The following ZNF76 variants were observed in gnomAD, a reference collection of about 807,000 sequenced individuals.
ZNF76 encodes zinc finger protein 76, also known as zinc finger protein 523.
ZNF76 carries 66 observed loss-of-function variants against 66.9 expected under a neutral mutation model. The ratio of observed to expected loss-of-function variants is 0.99; its 90% confidence interval spans 0.81 to 1.21. The LOEUF (loss-of-function observed/expected upper bound fraction) is 1.21, where lower values mean the gene tolerates loss of function less well. Among genes scored for constraint, ZNF76 ranks in the 50% most tolerant of loss-of-function variants. The pLI, the probability that ZNF76 is intolerant of heterozygous loss-of-function variation, is 0.00. For missense variants in ZNF76, 729 were observed against 760.3 expected (o/e 0.96, Z 0.48); for synonymous variants, 275 against 296.1 (o/e 0.93, Z 0.73).
intron 6 of ZNF76, 66 bp downstream of exon 6, chr6:35,290,448 C>T: frequency 1.3e-6 from 2 of 1,596,384 alleles, no homozygotes; most frequent in East Asian, 2.2e-5. Flanking sequence ...TTCTACCTTT[C>T]TGCTTTGATT....
intron 2 of ZNF76, 58 bp from the exon 3 acceptor site, chr6:35,286,070 G>A (rs1389173045): frequency 5.2e-6 from 8 of 1,525,818 alleles, no homozygotes; most frequent in Non-Finnish European, 7.3e-6. Flanking sequence ...AAACAGGCAG[G>A]CGTTTCTTAG....
intron 5 of ZNF76, among the ~76,000 whole-genome samples, chr6:35,288,949 T>TAA (rs34352057): frequency 5.2e-5 from 5 of 95,728 alleles, no homozygotes; most frequent in African/African-American, 8.1e-5. Context: ...AGATCCTATC[T>TAA]AAAAAAAAAA....
chr6:35,288,737 G>A (rs900981923), intron 5 of ZNF76, among the ~76,000 whole-genome samples: 2 of 152,132 alleles, frequency 1.3e-5, no homozygotes, highest in Non-Finnish European at 2.9e-5. Context: ...CAGGTGGATC[G>A]CTTGAGTCCA....
Position 35,274,831 on chromosome 6 carries a change from A to G in ZNF76, c.-96-6225A>G, listed in dbSNP as rs146408266. 2.7e-4 allele frequency among the ~76,000 whole-genome samples: 41 copies of G among 152,348 alleles called. 1 individual carries two copies. Among genetic ancestry groups the G allele is most frequent in the East Asian group, 7.7e-4 (4 of 5,186 alleles). ...CAAAGGTGAAGGGTTGTTTTCCTGC[A>G]TCAGGACCAGTAATGGGTTAAGTTT... On this transcript the variant is annotated intron_variant, in intron 1 of 13. Transcript: ENST00000373953.
At chr6:35,273,838 A>C in intron 1 of ZNF76, among the ~76,000 whole-genome samples, 1 of 139,684 alleles carries the variant, frequency 7.2e-6, no homozygotes, top group East Asian at 2.0e-4. Flanking sequence ...TTTCTTTTAA[A>C]TGGCGCTTCT....
intron 1 of ZNF76, among the ~76,000 whole-genome samples, chr6:35,275,977 T>C (rs1787838843): frequency 6.6e-6 from 1 of 152,202 alleles, no homozygotes; most frequent in South Asian, 2.1e-4. Flanking sequence ...TTGAGAAGTA[T>C]GGGCTCTGGG....
At chr6:35,280,569 A>C (rs999294287) in intron 1 of ZNF76, among the ~76,000 whole-genome samples, 5 of 120,156 alleles carry the variant, frequency 4.2e-5, no homozygotes, top group Non-Finnish European at 8.1e-5. Flanking sequence ...CACCCCTGGG[A>C]TAGGGGATAC....
At chr6:35,269,363 T>TG (rs1786671384) in intron 1 of ZNF76, among the ~76,000 whole-genome samples, 1 of 152,134 alleles carries the variant, frequency 6.6e-6, no homozygotes, top group Admixed American at 6.5e-5. Context: ...TTTGTGATGT[T>TG]GGACAGGTCA....
intron 1 of ZNF76, among the ~76,000 whole-genome samples, chr6:35,266,016 GA>G (rs1410815391): frequency 6.6e-6 from 1 of 152,210 alleles, no homozygotes; most frequent in Non-Finnish European, 1.5e-5. Flanking sequence ...CTAAACAAGA[GA>G]AGTTGGTGGC....
chr6:35,295,128 A>ACCCCCTTCCCCACAG lies in ZNF76; in HGVS notation c.1609-14_1609dup. ...GGTCTCACTGTCTCCTTCCTTCTGCACCCCCTTCCCCACAGCTGGAGGAAC... is the reference window on the plus strand; with the variant it reads ...GGTCTCACTGTCTCCTTCCTTCTGCACCCCCTTCCCCACAGCCCCCTTCCCCACAGCTGGAGGAAC... On this transcript the variant is annotated splice_polypyrimidine_tract_variant and intron_variant, in intron 13 of 13. Transcript: ENST00000373953. 6.2e-7 allele frequency: 1 copy of ACCCCCTTCCCCACAG among 1,601,548 alleles called. No individual in the cohort carries two copies.
rs897950455 is a variant in ZNF76 at position 35,287,416 on chromosome 6, C to G, written c.233-230C>G. On this transcript the variant is annotated intron_variant, in intron 4 of 13. Coordinates refer to ENST00000373953, the MANE Select transcript of ZNF76 (RefSeq NM_003427.5). The surrounding 1 kb of genome is among the most constrained non-coding windows in gnomAD (Gnocchi z 4.0). ...AAATGATGATGGGCCCCTGTCAGGT[C>G]CTCAAGGAGCTTGTGAGTTCCCATT... Among the ~76,000 whole-genome samples, 15 of 152,058 alleles carry G rather than the reference C, an allele frequency of 9.9e-5. No individual in the cohort carries two copies. The highest frequency in any genetic ancestry group is 2.0e-4 in the Admixed American group (3 of 15,262).
At chr6:35,294,925 T>G in intron 13 of ZNF76, 1 of 587,092 alleles carries the variant, frequency 1.7e-6, no homozygotes, top group Non-Finnish European at 3.0e-6. Context: ...AGTGGGTCTC[T>G]CTGACCCTGG....
At chr6:35,290,193 G>GC in intron 5 of ZNF76, 73 bp from the exon 6 acceptor site, 1 of 1,583,552 alleles carries the variant, frequency 6.3e-7, no homozygotes, top group Non-Finnish European at 8.6e-7. Context: ...GTCTTAAGCT[G>GC]CCAGCAGGGC....
chr6:35,283,538 G>A (rs546495554), intron 2 of ZNF76, among the ~76,000 whole-genome samples: 1 of 152,324 alleles, frequency 6.6e-6, no homozygotes, highest in African/African-American at 2.4e-5. Context: ...GCAAACTGGG[G>A]CGTATGGTCA....
Position 35,295,137 on chromosome 6 carries a change from C to T in ZNF76, c.1609-7C>T. 1 of 1,608,374 alleles carries T rather than the reference C, an allele frequency of 6.2e-7. No homozygotes were observed. The highest frequency in any genetic ancestry group is 8.5e-7 in the Non-Finnish European group (1 of 1,176,708). On this transcript the variant is annotated splice_polypyrimidine_tract_variant and splice_region_variant and intron_variant, in intron 13 of 13. Transcript: ENST00000373953. ...GTCTCCTTCCTTCTGCACCCCCTTC[C>T]CCACAGCTGGAGGAACAGCAGACCT...
chr6:35,287,140 G>A lies in ZNF76; in HGVS notation c.233-506G>A, dbSNP rs1789681963. Among the ~76,000 whole-genome samples the A allele has an allele frequency of 6.6e-6, 1 of 152,186 alleles. No individual in the cohort carries two copies. Among genetic ancestry groups the A allele is most frequent in the African/African-American group, 2.4e-5 (1 of 41,438 alleles). ...ACTGCTAGGAGCTAGAGCCCTGGGA[G>A]TGAAGGCAGAATGAGCAGGAGGAAA... On this transcript the variant is annotated intron_variant, in intron 4 of 13. Transcript: ENST00000373953. The surrounding 1 kb of genome is among the most constrained non-coding windows in gnomAD (Gnocchi z 4.0).
rs754577278 is a variant in ZNF76 at position 35,287,886 on chromosome 6, A to G, written c.432+41A>G. 16 of 1,550,698 alleles carry G rather than the reference A, an allele frequency of 1.0e-5. No homozygotes were observed. The highest frequency in any genetic ancestry group is 9.8e-5 in the East Asian group (4 of 40,984). Reference sequence around the variant, plus strand: ...GTGACACGGTCTGTCACTCTAGACAACCGGGCCTGGCCTGCGCACTGCCTC... The same window carrying G: ...GTGACACGGTCTGTCACTCTAGACAGCCGGGCCTGGCCTGCGCACTGCCTC... On this transcript the variant is annotated intron_variant, in intron 5 of 13. Coordinates refer to ENST00000373953, the MANE Select transcript of ZNF76 (RefSeq NM_003427.5). This position sits in a 1 kb window ranked among gnomAD's most constrained non-coding sequence, Gnocchi z 4.0.
Position 35,288,044 on chromosome 6 carries a change from G to A in ZNF76, c.432+199G>A, listed in dbSNP as rs1461911059. ...TGTCACACATCATTGTCTAGGGCATGCAACACAGCCTGGCCTGGCCGCTGA... is the reference window on the plus strand; with the variant it reads ...TGTCACACATCATTGTCTAGGGCATACAACACAGCCTGGCCTGGCCGCTGA... On this transcript the variant is annotated intron_variant, in intron 5 of 13. Coordinates refer to ENST00000373953, the MANE Select transcript of ZNF76 (RefSeq NM_003427.5). 6 of 719,636 alleles carry A rather than the reference G, an allele frequency of 8.3e-6. No individual in the cohort carries two copies. In the African/African-American group the frequency reaches 8.7e-5, roughly 10 times the overall value. 44.6% of individuals were successfully genotyped at this position (719,636 alleles called of 1,614,324 possible).
chr6:35,293,914 C>T lies in ZNF76; in HGVS notation c.1493C>T (p.Pro498Leu). 1.2e-6 allele frequency: 2 copies of T among 1,613,442 alleles called. No individual in the cohort carries two copies. The highest frequency in any genetic ancestry group is 1.7e-6 in the Non-Finnish European group (2 of 1,179,778). The change falls in exon 12 of 14, where the codon CCC (proline) becomes CTC (leucine). Residue 498 changes from proline (P) to leucine (L), a missense_variant and splice_region_variant. Transcript: ENST00000373953. ...MVSADGTQTQ[P>L]VTIITSGAVV... ...AGCGCCGATGGCACCCAGACGCAGCCCGTATGACCAGGCGGTTTGCTTGGG... is the reference window on the plus strand; with the variant it reads ...AGCGCCGATGGCACCCAGACGCAGCTCGTATGACCAGGCGGTTTGCTTGGG...
Sources: allele counts gnomAD v4.1 joint callset (sites outside exome capture counted in the v4.1 genomes callset), GRCh38; gene constraint gnomAD v4.1.1; non-coding constraint Gnocchi (gnomAD v3.1); transcripts MANE v1.5; gene names NCBI Gene and HGNC (gene_info 2026-07-23, HGNC 2026-07-21).